STAC: variants seen among roughly 807,000 people sequenced by gnomAD.
STAC encodes SH3 and cysteine-rich domain-containing protein.
STAC carries 43 observed loss-of-function variants against 48.8 expected under a neutral mutation model. That is an observed-to-expected ratio of 0.88 (90% CI 0.69 to 1.14). The LOEUF (loss-of-function observed/expected upper bound fraction) is 1.14, where lower values mean the gene tolerates loss of function less well. STAC is among the 50% of genes most tolerant of loss of function. STAC has a pLI of 0.00. For synonymous variants in STAC, 193 were observed against 179.5 expected, an observed-to-expected ratio of 1.07 and a Z score of -0.60; for missense variants, 497 against 504.0, an observed-to-expected ratio of 0.99 and a Z score of 0.13.
intron 6 of STAC, among the ~76,000 whole-genome samples, chr3:36,499,978 A>G (rs1468568101): frequency 6.6e-6 from 1 of 152,222 alleles, no homozygotes; most frequent in African/African-American, 2.4e-5. Context: ...ATCTGAAGAT[A>G]TAAATTCTAA....
At chr3:36,460,414 T>G (rs919722276) in intron 2 of STAC, among the ~76,000 whole-genome samples, 1 of 152,178 alleles carries the variant, frequency 6.6e-6, no homozygotes, top group Admixed American at 6.5e-5. Context: ...GGGACACACT[T>G]GTCCCATGCA....
At chr3:36,391,444 G>A (rs1159309303) in intron 1 of STAC, among the ~76,000 whole-genome samples, 3 of 152,156 alleles carry the variant, frequency 2.0e-5, no homozygotes, top group Non-Finnish European at 4.4e-5. Context: ...TCACTCTAGT[G>A]ATCGCCAGAC....
chr3:36,428,450 A>G (rs934719042), intron 1 of STAC, among the ~76,000 whole-genome samples: 1 of 152,250 alleles, frequency 6.6e-6, no homozygotes, highest in Non-Finnish European at 1.5e-5. Flanking sequence ...ATCTGGGTGA[A>G]GGCTATACCA....
intron 5 of STAC, among the ~76,000 whole-genome samples, chr3:36,490,841 C>G (rs1424437651): frequency 6.6e-6 from 1 of 152,126 alleles, no homozygotes; most frequent in Non-Finnish European, 1.5e-5. Context: ...ACATCTGGAC[C>G]CTACAGACTG....
At chr3:36,524,642 A>G (rs1698888135) in intron 8 of STAC, among the ~76,000 whole-genome samples, 1 of 152,076 alleles carries the variant, frequency 6.6e-6, no homozygotes, top group Non-Finnish European at 1.5e-5. Flanking sequence ...ATAATAAGCT[A>G]TGTTACACAG....
At chr3:36,401,536 T>C (rs1219999057) in intron 1 of STAC, among the ~76,000 whole-genome samples, 1 of 151,964 alleles carries the variant, frequency 6.6e-6, no homozygotes, top group Admixed American at 6.6e-5. Flanking sequence ...GGAACTTGGG[T>C]AGAAATCACA....
intron 2 of STAC, 113 bp from the exon 3 acceptor site, chr3:36,482,879 T>C (rs1697691118): frequency 1.5e-6 from 1 of 681,598 alleles, no homozygotes; most frequent in South Asian, 1.9e-5. Context: ...GAAAGCTTCA[T>C]GAAAAAGTTG....
At chr3:36,492,204 C>A (rs1698006416) in intron 5 of STAC, among the ~76,000 whole-genome samples, 1 of 151,062 alleles carries the variant, frequency 6.6e-6, no homozygotes, top group Admixed American at 6.6e-5. Flanking sequence ...CAAGTCAGAA[C>A]TGGACCCTGA....
intron 10 of STAC, among the ~76,000 whole-genome samples, chr3:36,537,210 T>C (rs1699219256): frequency 6.6e-6 from 1 of 152,220 alleles, no homozygotes; most frequent in African/African-American, 2.4e-5. Flanking sequence ...CCTAAAGGAA[T>C]ATAAATCATT....
At chr3:36,523,459 A>C (rs1391704777) in intron 8 of STAC, among the ~76,000 whole-genome samples, 3 of 152,260 alleles carry the variant, frequency 2.0e-5, no homozygotes, top group African/African-American at 7.2e-5. Context: ...CTGAATGTAC[A>C]ATGCTCTGAT....
chr3:36,423,982 C>T (rs1700506474), intron 1 of STAC, among the ~76,000 whole-genome samples: 1 of 152,002 alleles, frequency 6.6e-6, no homozygotes, highest in Admixed American at 6.6e-5. Context: ...GAGTTTAATG[C>T]CATATAATGA....
intron 2 of STAC, among the ~76,000 whole-genome samples, chr3:36,457,180 C>T (rs769431759): frequency 1.3e-5 from 2 of 152,162 alleles, no homozygotes; most frequent in Non-Finnish European, 2.9e-5. Context: ...TGATCATCAG[C>T]AAATGGATCA....
At chr3:36,433,598 A>G (rs1190545406) in intron 1 of STAC, among the ~76,000 whole-genome samples, 1 of 152,188 alleles carries the variant, frequency 6.6e-6, no homozygotes, top group Non-Finnish European at 1.5e-5. Flanking sequence ...TCACCCTCAG[A>G]AAGTTTTATG....
At chr3:36,487,366 T>C (rs905753940) in intron 5 of STAC, among the ~76,000 whole-genome samples, 1 of 152,252 alleles carries the variant, frequency 6.6e-6, no homozygotes, top group Non-Finnish European at 1.5e-5. Context: ...CTCAAAGCCA[T>C]CTTTAAACTC....
At chr3:36,448,110 T>G (rs1296220979) in intron 2 of STAC, among the ~76,000 whole-genome samples, 1 of 152,206 alleles carries the variant, frequency 6.6e-6, no homozygotes, top group East Asian at 1.9e-4. Context: ...TTTCTCTTCT[T>G]TGCACATTCG....
intron 8 of STAC, among the ~76,000 whole-genome samples, chr3:36,507,661 C>G (rs1249239763): frequency 1.3e-5 from 2 of 151,980 alleles, no homozygotes; most frequent in African/African-American, 2.4e-5. Context: ...TGTATGTGTC[C>G]AGGAATTTAT....
intron 8 of STAC, among the ~76,000 whole-genome samples, chr3:36,515,818 T>C (rs990001819): frequency 2.6e-5 from 4 of 151,812 alleles, no homozygotes; most frequent in African/African-American, 9.7e-5. Flanking sequence ...TAGGGTAGAG[T>C]TTGGGGCCCA....
chr3:36,413,574 A>G (rs560810208), intron 1 of STAC, among the ~76,000 whole-genome samples: 23 of 152,176 alleles, frequency 1.5e-4, no homozygotes, highest in African/African-American at 5.3e-4. Flanking sequence ...ATGTCTCTGC[A>G]TGTGAGATGG....
chr3:36,504,632 A>T (rs1698356180), intron 7 of STAC, among the ~76,000 whole-genome samples, 175 bp downstream of exon 7: 1 of 152,212 alleles, frequency 6.6e-6, no homozygotes, highest in Non-Finnish European at 1.5e-5. Context: ...AGCACAGTGC[A>T]TAAAAGGTAA....
Sources: gnomAD v4.1 joint callset for allele counts (sites outside exome capture counted in the v4.1 genomes callset) on GRCh38, gnomAD v4.1.1 for gene constraint, MANE v1.5 for transcripts, NCBI Gene and HGNC (gene_info 2026-07-23, HGNC 2026-07-21) for gene names.